Variants in OTOF observed in about 807,000 individuals in gnomAD.
OTOF encodes the protein fer-1-like family member 2.
OTOF carries 218 observed loss-of-function variants against 236.8 expected under a neutral mutation model. That is an observed-to-expected ratio of 0.92 (90% CI 0.82 to 1.03). The LOEUF (loss-of-function observed/expected upper bound fraction) is 1.03. Ranked by LOEUF, OTOF falls within the 50% of genes least tolerant of loss-of-function variation. The pLI, the probability that OTOF is intolerant of heterozygous loss-of-function variation, is 0.00. For synonymous variants in OTOF, 1,041 were observed against 1,072.5 expected (o/e 0.97, Z 0.57); for missense variants, 2,590 against 2,694.4 (o/e 0.96, Z 0.86).
chr2:26,474,524 C>T lies in OTOF; in HGVS notation c.3277G>A (p.Glu1093Lys), dbSNP rs1064795233. 3.9e-5 allele frequency: 62 copies of T among 1,608,040 alleles called. No homozygotes were observed. Among genetic ancestry groups the T allele is most frequent in the Admixed American group, 5.0e-5 (3 of 59,432 alleles). Residue 1093 changes from glutamate to lysine, a missense_variant, in exon 26 of 47, where the codon GAG becomes AAG. This residue lies in a region of OTOF where 1,211 missense variants were observed against 1,352.8 expected (regional missense o/e 0.90). Transcript: ENST00000272371. ...CCCTGCAGTCCCACCTGCAGCAGCT[C>T]GAAGGCCGCCAGCAGGTCTCCAGCT... ...ATAGDLLAAFELLQIGPAGKA... is the reference protein window; with the variant it reads ...ATAGDLLAAFKLLQIGPAGKA...
chr2:26,472,765 A>AGG (rs1665054798), intron 29 of OTOF, 116 bp from the exon 30 acceptor site: 1 of 1,051,602 alleles, frequency 9.5e-7, no homozygotes, highest in Non-Finnish European at 1.4e-6. Context: ...TCTGAGGGAG[A>AGG]GGGGGACAGG....
At chr2:26,471,046 G>T in intron 31 of OTOF, 75 bp downstream of exon 31, 1 of 1,557,812 alleles carries the variant, frequency 6.4e-7, no homozygotes, top group Non-Finnish European at 8.9e-7. Context: ...CCCTGATGCT[G>T]GACCCTTTGG....
chr2:26,545,377 A>C (rs186425135), intron 1 of OTOF, among the ~76,000 whole-genome samples: 181 of 152,258 alleles, frequency 1.2e-3, no homozygotes, highest in African/African-American at 4.1e-3. Context: ...TTATTGACTT[A>C]TAGGGATTCT....
Position 26,502,390 on chromosome 2 carries a change from T to A in OTOF, c.620A>T (p.His207Leu), listed in dbSNP as rs539804348. 6.2e-7 allele frequency: 1 copy of A among 1,613,968 alleles called. No individual in the cohort carries two copies. Among genetic ancestry groups the A allele is most frequent in the African/African-American group, 1.3e-5 (1 of 75,042 alleles). The change falls in exon 7 of 47, where the codon CAT (histidine) becomes CTT (leucine). Residue 207 changes from histidine (H) to leucine (L), a missense_variant. His to Leu is a moderately conservative substitution (Grantham distance 99, BLOSUM62 -3). Around this residue, in one of 2 missense-constraint regions of OTOF, gnomAD observed 1,379 missense variants for 1,341.6 expected, o/e 1.03. Coordinates refer to ENST00000272371, the MANE Select transcript of OTOF (RefSeq NM_194248.3). ...TCCATCTCCTAGCCGAATGGCCAGA[T>A]GGTCAAGGTCTTCCATCTCCAGCAC... ...PAVLEMEDLD[H>L]LAIRLGDGLD... is the part of the protein sequence containing the mutation.
intron 9 of OTOF, among the ~76,000 whole-genome samples, chr2:26,494,181 A>G (rs1454680031): frequency 6.6e-6 from 1 of 152,246 alleles, no homozygotes; most frequent in African/African-American, 2.4e-5. Flanking sequence ...GCCCTTCCAT[A>G]TGGAGGCCTC....
At position 26,473,973 on chromosome 2, in the gene OTOF, C is replaced by T. The variant is rs1384814980; in HGVS notation, c.3408+18G>A. Reference sequence around the variant, plus strand: ...GACTCCTCATCCAAAAGGGAAGGGCCACACAGAGCCCTCGCACCTCCACTC... The same window carrying T: ...GACTCCTCATCCAAAAGGGAAGGGCTACACAGAGCCCTCGCACCTCCACTC... On this transcript the variant is annotated intron_variant, in intron 27 of 46. Coordinates refer to ENST00000272371, the MANE Select transcript of OTOF (RefSeq NM_194248.3). The surrounding 1 kb of genome is among the most constrained non-coding windows in gnomAD (Gnocchi z 7.2). 2.5e-6 allele frequency: 4 copies of T among 1,612,720 alleles called. No individual in the cohort carries two copies. Among genetic ancestry groups the T allele is most frequent in the Admixed American group, 1.7e-5 (1 of 60,006 alleles).
chr2:26,474,783 C>A, intron 25 of OTOF, 109 bp from the exon 26 acceptor site: 1 of 1,253,530 alleles, frequency 8.0e-7, no homozygotes, highest in Non-Finnish European at 1.2e-6. Flanking sequence ...CAGGTGTGAT[C>A]ACCCCATTTT....
At chr2:26,515,914 C>T (rs574742073) in intron 5 of OTOF, among the ~76,000 whole-genome samples, 9 of 152,330 alleles carry the variant, frequency 5.9e-5, no homozygotes, top group Non-Finnish European at 1.0e-4. Flanking sequence ...TCTGGGGGTT[C>T]CCGGGTACCC....
intron 5 of OTOF, among the ~76,000 whole-genome samples, chr2:26,508,433 C>A (rs1020879471): frequency 2.0e-5 from 3 of 152,158 alleles, no homozygotes; most frequent in Non-Finnish European, 4.4e-5. Flanking sequence ...ATAGGCTGAC[C>A]CTTTATACAA....
intron 5 of OTOF, chr2:26,510,712 C>T (rs1178748523): frequency 7.8e-6 from 10 of 1,288,878 alleles, no homozygotes; most frequent in South Asian, 1.2e-5. Flanking sequence ...TACTTGTGCT[C>T]GTCATCTCTG....
rs532267584 is a variant in OTOF at position 26,540,400 on chromosome 2, G to A, written c.80-2626C>T. Reference sequence around the variant, plus strand: ...CTCCCTACAGAAAACCTGGGAGCCCGGGCTAGAGCGGCGTCAGGCCAAGGA... The same window carrying A: ...CTCCCTACAGAAAACCTGGGAGCCCAGGCTAGAGCGGCGTCAGGCCAAGGA... On this transcript the variant is annotated intron_variant, in intron 1 of 46. Transcript: ENST00000272371. Among the ~76,000 whole-genome samples, 23 of 152,336 alleles carry A rather than the reference G, an allele frequency of 1.5e-4. No homozygotes were observed. In the East Asian group the frequency reaches 2.9e-3, roughly 19 times the overall value.
In OTOF at chr2:26,474,602, G is replaced by A. The variant is rs1429056165; in HGVS notation, c.3199C>T (p.Pro1067Ser). 2 of 1,613,292 alleles carry A rather than the reference G, an allele frequency of 1.2e-6. No homozygotes were observed. The highest frequency in any genetic ancestry group is 1.7e-6 in the Non-Finnish European group (2 of 1,179,986). Reference protein sequence around the residue: ...VKMADEAYCPPRFPPQLEYYQ... With the variant: ...VKMADEAYCPSRFPPQLEYYQ... ...TACTCGAGCTGAGGTGGGAAGCGGG[G>A]TGGGCAGTACGCCTCGTCTGCCATC... Residue 1067 changes from proline to serine, a missense_variant, in exon 26 of 47, where the codon CCC becomes TCC. Pro to Ser is a moderately conservative substitution (Grantham distance 74, BLOSUM62 -1). Around this residue, in one of 2 missense-constraint regions of OTOF, gnomAD observed 1,211 missense variants for 1,352.8 expected, o/e 0.90. Transcript: ENST00000272371.
intron 2 of OTOF, among the ~76,000 whole-genome samples, chr2:26,530,809 A>C (rs1666928893): frequency 6.6e-6 from 1 of 152,006 alleles, no homozygotes; most frequent in African/African-American, 2.4e-5. Flanking sequence ...GAAGCTTTTA[A>C]AAATCCCAAG....
At chr2:26,472,420 A>C (rs779520224) in intron 30 of OTOF, 99 bp downstream of exon 30, 13 of 1,456,638 alleles carry the variant, frequency 8.9e-6, no homozygotes, top group Non-Finnish European at 1.3e-5. Context: ...GGAGGCTCTT[A>C]GTGTCCTTTT....
rs374903157 is a variant in OTOF, at chr2:26,483,608, A to G, written c.1246T>C (p.Trp416Arg). Residue 416 changes from tryptophan to arginine, a missense_variant, in exon 13 of 47, where the codon TGG becomes CGG. Coordinates refer to ENST00000272371, the MANE Select transcript of OTOF (RefSeq NM_194248.3). Reference protein sequence around the residue: ...LPEGVPPERQWARFYVKIYRA... With the variant: ...LPEGVPPERQRARFYVKIYRA... The stretch of plus-strand genomic sequence containing the variant: ...TAAATTTTCACATAGAACCGGGCCC[A>G]CTGGCGTTCGGGGGGCACCCCCTCG... The G allele has an allele frequency of 1.2e-6, 2 of 1,613,146 alleles. No individual in the cohort carries two copies. Among genetic ancestry groups the G allele is most frequent in the Non-Finnish European group, 8.5e-7 (1 of 1,180,006 alleles).
At position 26,484,570 on chromosome 2, in the gene OTOF, T is replaced by G; in HGVS notation, c.1109A>C (p.Lys370Thr). 3 of 1,613,956 alleles carry G rather than the reference T, an allele frequency of 1.9e-6. No homozygotes were observed. The highest frequency in any genetic ancestry group is 2.5e-6 in the Non-Finnish European group (3 of 1,179,990). ...SDPDDISSGL[K>T]GYVKCDVAVV... is the part of the protein sequence containing the mutation. ...GGCAACGTCACACTTCACGTAGCCCTTCAGCCCCGAGGAGATGTCATCGGG... is the reference window on the plus strand; with the variant it reads ...GGCAACGTCACACTTCACGTAGCCCGTCAGCCCCGAGGAGATGTCATCGGG... Residue 370 changes from lysine to threonine, a missense_variant, in exon 12 of 47, where the codon AAG (lysine) becomes ACG (threonine). By Grantham distance (78) the Lys-to-Thr change is moderately conservative. This residue lies in a region of OTOF where 1,379 missense variants were observed against 1,341.6 expected (regional missense o/e 1.03). Coordinates refer to ENST00000272371, the MANE Select transcript of OTOF (RefSeq NM_194248.3).
At chr2:26,489,370 G>C (rs766841428) in intron 10 of OTOF, 75 bp from the exon 11 acceptor site, 14 of 1,168,916 alleles carry the variant, frequency 1.2e-5, no homozygotes, top group Non-Finnish European at 1.6e-5. Context: ...GGTGGGACCC[G>C]AGCTTTGTGG....
intron 11 of OTOF, among the ~76,000 whole-genome samples, chr2:26,486,365 G>A (rs1198607238): frequency 6.6e-6 from 1 of 150,996 alleles, no homozygotes; most frequent in Admixed American, 6.6e-5. Flanking sequence ...TGGATATATG[G>A]ATTGGTGCGT....
At position 26,477,683 on chromosome 2, in the gene OTOF, G is replaced by T. The variant is rs137982529; in HGVS notation, c.2281C>A (p.Arg761=). ...CAGCTCAGCTCCTCCAGGACGCCCC[G>T]CAGGCGACGCTCAGGGTAGGACTTC... ...TEKSYPERRL[R]GVLEELSCGC... Residue 761 remains arginine, a synonymous_variant, in exon 19 of 47, where the codon CGG becomes AGG. Coordinates refer to ENST00000272371, the MANE Select transcript of OTOF (RefSeq NM_194248.3). This position sits in a 1 kb window ranked among gnomAD's most constrained non-coding sequence, Gnocchi z 4.7. 3 of 1,612,372 alleles carry T rather than the reference G, an allele frequency of 1.9e-6. No homozygotes were observed. Among genetic ancestry groups the T allele is most frequent in the Admixed American group, 3.3e-5 (2 of 60,022 alleles).
Sources: gnomAD v4.1 joint callset for allele counts (sites outside exome capture counted in the v4.1 genomes callset) on GRCh38, gnomAD v4.1.1 for gene constraint, gnomAD v4.1.1 regional missense constraint, Gnocchi (gnomAD v3.1) non-coding constraint, MANE v1.5 for transcripts, NCBI Gene and HGNC (gene_info 2026-07-23, HGNC 2026-07-21) for gene names.